The following REX1BD variants were observed in gnomAD, a reference collection of about 807,000 sequenced individuals.
REX1BD encodes required for excision 1-B domain-containing protein.
A neutral mutation model predicts 24.4 loss-of-function variants in REX1BD; 22 were observed. The observed-to-expected ratio is 0.90, with a 90% confidence interval of 0.64 to 1.29. REX1BD has a LOEUF of 1.29. Ranked by LOEUF, REX1BD falls within the 50% of genes most tolerant of loss-of-function variation. The pLI is 0.00. For synonymous variants in REX1BD, 146 were observed against 125.9 expected (o/e 1.16, Z -1.07); for missense variants, 293 against 285.3 (o/e 1.03, Z -0.19).
At chr19:18,589,116 C>A (rs187484604) in intron 2 of REX1BD, 39 bp downstream of exon 2, 34 of 1,465,014 alleles carry the variant, frequency 2.3e-5, no homozygotes, top group Non-Finnish European at 2.9e-5. Context: ...TTCGGTCCCC[C>A]GCCCGCTCCG....
chr19:18,591,151 A>G (rs1976032288), intron 4 of REX1BD: 2 of 479,378 alleles, frequency 4.2e-6, no homozygotes, highest in Non-Finnish European at 3.7e-6. Flanking sequence ...ACACATGCCA[A>G]TCCTGCACAC....
At chr19:18,591,026 T>TGAGGA in intron 4 of REX1BD, 93 bp downstream of exon 4, 1 of 1,170,870 alleles carries the variant, frequency 8.5e-7, no homozygotes, top group South Asian at 1.6e-5. Context: ...CCTCTGCCAG[T>TGAGGA]GCACAATGGT....
chr19:18,590,892 G>C lies in REX1BD; in HGVS notation c.492G>C (p.Ala164=). The part of the protein sequence containing the change: ...LLQLMETPEL[A]GQEDAVRMQQ... ...AGTTGATGGAGACGCCAGAGCTGGCGGGGCAGGAGGACGCTGTACGGATGC... is the reference window on the plus strand; with the variant it reads ...AGTTGATGGAGACGCCAGAGCTGGCCGGGCAGGAGGACGCTGTACGGATGC... The change falls in exon 4 of 5, where the codon GCG becomes GCC. Residue 164 remains alanine (A), a synonymous_variant. Transcript: ENST00000358607. 1 of 1,604,374 alleles carries C rather than the reference G, an allele frequency of 6.2e-7. No individual in the cohort carries two copies.
chr19:18,590,862 G>C lies in REX1BD; in HGVS notation c.462G>C (p.Leu154=). 1 of 1,605,510 alleles carries C rather than the reference G, an allele frequency of 6.2e-7. No homozygotes were observed. The highest frequency in any genetic ancestry group is 8.5e-7 in the Non-Finnish European group (1 of 1,176,572). ...GCTCATTCCCCCACCAGGTGGCCCT[G>C]CTGCAGTTGATGGAGACGCCAGAGC... ...LEQTRLGTVA[L]LQLMETPELA... The change falls in exon 4 of 5, where the codon CTG becomes CTC. Residue 154 remains leucine, a synonymous_variant. Coordinates refer to ENST00000358607, the MANE Select transcript of REX1BD (RefSeq NM_001100418.2).
rs1429569968 is a variant in REX1BD at position 18,589,992 on chromosome 19, C to T, written c.453+309C>T. 6 of 376,008 alleles carry T rather than the reference C, an allele frequency of 1.6e-5. No individual in the cohort carries two copies. In the South Asian group the frequency reaches 2.1e-4, roughly 13 times the overall value. The allele number at this position is 376,008 out of a possible 1,614,324, so 23.3% of individuals were successfully genotyped here. On this transcript the variant is annotated intron_variant, in intron 3 of 4. Coordinates refer to ENST00000358607, the MANE Select transcript of REX1BD (RefSeq NM_001100418.2). ...CAATGCTCCACCCACTCTGGTTGTT[C>T]CGCGTCTAGGGTCCCACCCTCAACC...
rs1182980013 is a variant in REX1BD, at chr19:18,588,844, C to T, written c.43C>T (p.Pro15Ser). 3.9e-6 allele frequency: 6 copies of T among 1,533,374 alleles called. No individual in the cohort carries two copies. The highest frequency in any genetic ancestry group is 2.4e-5 in the South Asian group (2 of 83,902). The allele number at this position is 1,533,374 out of a possible 1,614,324, so 95.0% of individuals were successfully genotyped here. Residue 15 changes from proline (P) to serine (S), a missense_variant, in exon 1 of 5, where the codon CCT becomes TCT. By Grantham distance (74) the Pro-to-Ser change is moderately conservative. Coordinates refer to ENST00000358607, the MANE Select transcript of REX1BD (RefSeq NM_001100418.2). ...TAAEPTVPAVPAAEEATEARG... is the reference protein window; with the variant it reads ...TAAEPTVPAVSAAEEATEARG... The stretch of plus-strand genomic sequence containing the variant: ...GGCGGAGCCTACGGTCCCTGCAGTG[C>T]CTGCTGCTGAGGAGGCCACCGAAGC...
At position 18,592,224 on chromosome 19, in the gene REX1BD, C is replaced by T. The variant is rs527541649; in HGVS notation, c.*44C>T. On this transcript the variant is annotated 3_prime_UTR_variant, in exon 5 of 5. Coordinates refer to ENST00000358607, the MANE Select transcript of REX1BD (RefSeq NM_001100418.2). ...GCGCCGAGGGAGATGGGAAACGGGGCGGATGGCGCCCAGCCCAGCCCTAAC... is the reference window on the plus strand; with the variant it reads ...GCGCCGAGGGAGATGGGAAACGGGGTGGATGGCGCCCAGCCCAGCCCTAAC... 1.3e-4 allele frequency: 209 copies of T among 1,610,274 alleles called. 1 individual carries two copies. Among genetic ancestry groups the T allele is most frequent in the Admixed American group, 8.7e-4 (52 of 59,982 alleles).
intron 2 of REX1BD, 96 bp downstream of exon 2, chr19:18,589,173 C>A (rs1309909568): frequency 6.7e-7 from 1 of 1,483,430 alleles, no homozygotes; most frequent in Non-Finnish European, 8.9e-7. Context: ...GGAGCTGGGT[C>A]CTTGTGTGGC....
intron 3 of REX1BD, 106 bp from the exon 4 acceptor site, chr19:18,590,722 AGCACTGCCCCTCGTGGTTCTACCCGG>A: frequency 6.5e-6 from 5 of 764,448 alleles, no homozygotes; most frequent in Non-Finnish European, 8.4e-6. Flanking sequence ...TCCTACACAA[AGCACTGCCCCTCGTGGTTCTACCCGG>A]GCACTGCCTT....
chr19:18,590,467 C>G (rs1248048868), intron 3 of REX1BD: 1 of 194,298 alleles, frequency 5.1e-6, no homozygotes, highest in Non-Finnish European at 1.1e-5. Flanking sequence ...GCGATCCGCC[C>G]TCTTCTGCTT....
In REX1BD at chr19:18,590,843, TCCC is replaced by T. The variant is rs1428066957; in HGVS notation, c.454-8_454-6del. ...TGGAGACATCCTTCGTGTTGCTCATTCCCCCACCAGGTGGCCCTGCTGCAGTTG... is the reference window on the plus strand; with the variant it reads ...TGGAGACATCCTTCGTGTTGCTCATTCCACCAGGTGGCCCTGCTGCAGTTG... On this transcript the variant is annotated splice_polypyrimidine_tract_variant and splice_region_variant and intron_variant, in intron 3 of 4. Transcript: ENST00000358607. 1 of 1,601,472 alleles carries T rather than the reference TCCC, an allele frequency of 6.2e-7. No homozygotes were observed. Among genetic ancestry groups the T allele is most frequent in the Non-Finnish European group, 8.5e-7 (1 of 1,174,642 alleles).
chr19:18,592,312 C>G lies in REX1BD; in HGVS notation c.*132C>G. ...ACCTTCCTGCAGTTCCAGACACCTCCCACAATAAAGAGCTCCTCCTCTGTA... is the reference window on the plus strand; with the variant it reads ...ACCTTCCTGCAGTTCCAGACACCTCGCACAATAAAGAGCTCCTCCTCTGTA... On this transcript the variant is annotated 3_prime_UTR_variant, in exon 5 of 5. Transcript: ENST00000358607. The G allele has an allele frequency of 1.1e-6, 1 of 939,178 alleles. No individual in the cohort carries two copies. Among genetic ancestry groups the G allele is most frequent in the Non-Finnish European group, 1.7e-6 (1 of 604,656 alleles). The allele number at this position is 939,178 out of a possible 1,614,324, so 58.2% of individuals were successfully genotyped here. A position where few individuals can be genotyped will look rare whatever the true frequency, so the allele number is the denominator to read the frequency against.
chr19:18,590,729 C>T (rs1600644636), intron 3 of REX1BD, 125 bp from the exon 4 acceptor site: 1 of 803,246 alleles, frequency 1.2e-6, no homozygotes, highest in Non-Finnish European at 2.0e-6. Context: ...CAAAGCACTG[C>T]CCCTCGTGGT....
At chr19:18,590,979 A>T in intron 4 of REX1BD, 46 bp downstream of exon 4, 3 of 1,477,224 alleles carry the variant, frequency 2.0e-6, no homozygotes, top group Non-Finnish European at 2.7e-6. Flanking sequence ...GATTTGCACC[A>T]GGGTTGGCAC....
chr19:18,589,897 TC>T, intron 3 of REX1BD: 1 of 656,652 alleles, frequency 1.5e-6, no homozygotes, highest in Non-Finnish European at 2.3e-6. Flanking sequence ...TTGTCCTTAT[TC>T]CCAGAGCACT....
rs1420289591 is a variant in REX1BD at position 18,592,051 on chromosome 19, G to A, written c.534-57G>A. The stretch of plus-strand genomic sequence containing the variant: ...GCCACAGCCCTCTTGCAGCTTCGCG[G>A]CAGCAGCTAATTCACCCCATCTGGG... On this transcript the variant is annotated intron_variant, in intron 4 of 4. Coordinates refer to ENST00000358607, the MANE Select transcript of REX1BD (RefSeq NM_001100418.2). 4 of 1,602,748 alleles carry A rather than the reference G, an allele frequency of 2.5e-6. No homozygotes were observed. The African/African-American group carries it at 5.4e-5, about 21-fold the overall frequency.
chr19:18,592,248 A>C lies in REX1BD; in HGVS notation c.*68A>C. On this transcript the variant is annotated 3_prime_UTR_variant, in exon 5 of 5. Transcript: ENST00000358607. ...GCGGATGGCGCCCAGCCCAGCCCTAACTGCCAGCTGGCTGGGGTTGCGCCC... is the reference window on the plus strand; with the variant it reads ...GCGGATGGCGCCCAGCCCAGCCCTACCTGCCAGCTGGCTGGGGTTGCGCCC... 3 of 1,584,372 alleles carry C rather than the reference A, an allele frequency of 1.9e-6. No homozygotes were observed. The highest frequency in any genetic ancestry group is 8.7e-7 in the Non-Finnish European group (1 of 1,154,658).
intron 1 of REX1BD, 38 bp downstream of exon 1, chr19:18,588,938 G>C: frequency 6.6e-7 from 1 of 1,524,440 alleles, no homozygotes; most frequent in Non-Finnish European, 8.8e-7. Flanking sequence ...CGCGGGGCGG[G>C]CGGCGCAGAC....
Position 18,589,632 on chromosome 19 carries a change from C to T in REX1BD, c.402C>T (p.Leu134=). 1 of 1,518,716 alleles carries T rather than the reference C, an allele frequency of 6.6e-7. No individual in the cohort carries two copies. The highest frequency in any genetic ancestry group is 8.8e-7 in the Non-Finnish European group (1 of 1,140,596). The allele number at this position is 1,518,716 out of a possible 1,614,324, so 94.1% of individuals were successfully genotyped here. Residue 134 remains leucine, a synonymous_variant, in exon 3 of 5, where the codon CTC becomes CTT. Transcript: ENST00000358607. ...ELGGPRRQPL[L]AGHVRSLQEL... ...GCGGGCCTCGCAGGCAGCCGCTGCT[C>T]GCCGGCCACGTGCGCAGCCTGCAGG... is the stretch of plus-strand genomic sequence containing the variant.
Sources: gnomAD v4.1 joint callset for allele counts on GRCh38, gnomAD v4.1.1 for gene constraint, MANE v1.5 for transcripts, NCBI Gene and HGNC (gene_info 2026-07-23, HGNC 2026-07-21) for gene names.